VPS13B: variants seen among roughly 807,000 people sequenced by gnomAD.
The protein encoded by VPS13B is vacuolar protein sorting 13 homolog B, also known as intermembrane lipid transfer protein VPS13B.
In VPS13B, 285 loss-of-function variants were observed where a neutral mutation model predicts 426.4. The ratio of observed to expected loss-of-function variants is 0.67; its 90% confidence interval spans 0.61 to 0.74. The LOEUF (loss-of-function observed/expected upper bound fraction) is 0.74. VPS13B is among the 30% of genes least tolerant of loss of function. The pLI is 0.00. For synonymous variants in VPS13B, 1,676 were observed against 1,676.4 expected (o/e 1.00, Z 0.01); for missense variants, 4,537 against 4,782.6 (o/e 0.95, Z 1.51).
chr8:99,680,056 T>C (rs1032310007), intron 35 of VPS13B, among the ~76,000 whole-genome samples: 1 of 152,190 alleles, frequency 6.6e-6, no homozygotes, highest in African/African-American at 2.4e-5. Flanking sequence ...TTGTAAGTCT[T>C]GCTTGTCTAA....
At chr8:99,220,980 T>G (rs1349886088) in intron 17 of VPS13B, among the ~76,000 whole-genome samples, 1 of 88,144 alleles carries the variant, frequency 1.1e-5, no homozygotes, top group Non-Finnish European at 2.2e-5. Flanking sequence ...GATATTCCCC[T>G]TCCTGTGTCC....
chr8:99,860,076 T>G (rs932996946), intron 57 of VPS13B, among the ~76,000 whole-genome samples: 4 of 152,176 alleles, frequency 2.6e-5, no homozygotes, highest in African/African-American at 7.2e-5. Context: ...TGGCAGAGAC[T>G]TGGGAACTAA....
chr8:99,274,631 CTTAAAA>C (rs982150417), intron 18 of VPS13B, among the ~76,000 whole-genome samples: 2 of 151,932 alleles, frequency 1.3e-5, no homozygotes, highest in African/African-American at 2.4e-5. Flanking sequence ...TAATATGACA[CTTAAAA>C]TTAAATTAAA....
chr8:99,185,375 T>G (rs1813166270), intron 16 of VPS13B, among the ~76,000 whole-genome samples: 1 of 152,212 alleles, frequency 6.6e-6, no homozygotes, highest in Non-Finnish European at 1.5e-5. Flanking sequence ...AAACTTTTTT[T>G]CTTTTCATTG....
chr8:99,367,204 C>T (rs1812938673), intron 19 of VPS13B, among the ~76,000 whole-genome samples: 1 of 152,160 alleles, frequency 6.6e-6, no homozygotes, highest in Non-Finnish European at 1.5e-5. Flanking sequence ...TGAAATCTCT[C>T]AGATTTTGTT....
intron 13 of VPS13B, among the ~76,000 whole-genome samples, chr8:99,145,295 A>G (rs1005899899): frequency 6.6e-6 from 1 of 152,164 alleles, no homozygotes; most frequent in Non-Finnish European, 1.5e-5. Flanking sequence ...AGATTTTCCT[A>G]GTTTTACTTG....
chr8:99,228,202 A>T (rs1816121037), intron 17 of VPS13B, among the ~76,000 whole-genome samples: 1 of 152,214 alleles, frequency 6.6e-6, no homozygotes, highest in Admixed American at 6.5e-5. Flanking sequence ...AAAATTTTGT[A>T]ATTTGTGAAA....
Position 99,871,534 on chromosome 8 carries a change from G to C in VPS13B, c.11582G>C (p.Gly3861Ala), listed in dbSNP as rs1817415285. Reference protein sequence around the residue: ...LVRGSGQEHEGCLLLTSEVLF... With the variant: ...LVRGSGQEHEACLLLTSEVLF... ...AGGGGCTCAGGCCAGGAGCATGAAG[G>C]GTGCTTGCTGCTGACATCAGAAGTG... The change falls in exon 61 of 62, where the codon GGG (glycine) becomes GCG (alanine). Residue 3861 changes from glycine to alanine, a missense_variant. Gly to Ala is a moderately conservative substitution (Grantham distance 60). Around this residue, in one of 2 missense-constraint regions of VPS13B, gnomAD observed 4,311 missense variants for 4,474.3 expected, o/e 0.96. Coordinates refer to ENST00000357162, the MANE Select transcript of VPS13B (RefSeq NM_152564.5). 1 of 1,614,106 alleles carries C rather than the reference G, an allele frequency of 6.2e-7. No individual in the cohort carries two copies. The highest frequency in any genetic ancestry group is 2.2e-5 in the East Asian group (1 of 44,902).
At chr8:99,162,724 G>C (rs949964449) in intron 15 of VPS13B, among the ~76,000 whole-genome samples, 1 of 152,208 alleles carries the variant, frequency 6.6e-6, no homozygotes, top group Non-Finnish European at 1.5e-5. Context: ...GAGTGTTACA[G>C]CTCATAAAAG....
intron 21 of VPS13B, among the ~76,000 whole-genome samples, chr8:99,406,835 A>G (rs1815359327): frequency 6.6e-6 from 1 of 152,194 alleles, no homozygotes; most frequent in African/African-American, 2.4e-5. Flanking sequence ...AATCATTACT[A>G]TAGATTTTAG....
intron 3 of VPS13B, among the ~76,000 whole-genome samples, chr8:99,059,962 C>T (rs1237843279): frequency 6.6e-6 from 1 of 151,780 alleles, no homozygotes; most frequent in East Asian, 2.0e-4. Context: ...TCTTGAACTC[C>T]TGACCTCAGG....
At chr8:99,292,278 C>A (rs1819778789) in intron 19 of VPS13B, among the ~76,000 whole-genome samples, 1 of 152,130 alleles carries the variant, frequency 6.6e-6, no homozygotes, top group Admixed American at 6.6e-5. Flanking sequence ...TAGAGTGAAA[C>A]ATCTTTATCA....
At chr8:99,094,789 A>G (rs1374415679) in intron 3 of VPS13B, among the ~76,000 whole-genome samples, 5 of 152,124 alleles carry the variant, frequency 3.3e-5, no homozygotes, top group Admixed American at 1.3e-4. Context: ...TTCCCTTCAA[A>G]TATATAAAGT....
intron 51 of VPS13B, among the ~76,000 whole-genome samples, chr8:99,829,972 C>A (rs1814951358): frequency 2.0e-5 from 3 of 152,230 alleles, no homozygotes; most frequent in Admixed American, 6.5e-5. Context: ...CCTCTGGAAG[C>A]TTTATCCCAG....
At chr8:99,755,680 G>A (rs1194799261) in intron 39 of VPS13B, among the ~76,000 whole-genome samples, 3 of 152,090 alleles carry the variant, frequency 2.0e-5, no homozygotes, top group Non-Finnish European at 4.4e-5. Context: ...TGAGGCAGGA[G>A]AATTGCTTGA....
intron 3 of VPS13B, among the ~76,000 whole-genome samples, chr8:99,053,652 A>G (rs1843679949): frequency 6.8e-6 from 1 of 147,492 alleles, no homozygotes; most frequent in Non-Finnish European, 1.5e-5. Context: ...GTTGTGGCAT[A>G]TGACAAGGTT....
intron 29 of VPS13B, among the ~76,000 whole-genome samples, chr8:99,519,575 G>A (rs1451716692): frequency 2.0e-5 from 3 of 152,136 alleles, no homozygotes; most frequent in Non-Finnish European, 4.4e-5. Context: ...TTGATAGACT[G>A]GATTAAGAAA....
intron 19 of VPS13B, among the ~76,000 whole-genome samples, chr8:99,296,291 A>G (rs754852219): frequency 9.2e-5 from 14 of 152,144 alleles, no homozygotes; most frequent in Non-Finnish European, 1.5e-5. Context: ...AAGAGCATTT[A>G]TTGTTCTAGA....
intron 39 of VPS13B, among the ~76,000 whole-genome samples, chr8:99,742,861 C>T (rs1231598008): frequency 6.6e-6 from 1 of 152,090 alleles, no homozygotes; most frequent in Non-Finnish European, 1.5e-5. Flanking sequence ...AAACCCACAG[C>T]CAATATCATA....
Sources: gnomAD v4.1 joint callset for allele counts (sites outside exome capture counted in the v4.1 genomes callset) on GRCh38, gnomAD v4.1.1 for gene constraint, gnomAD v4.1.1 regional missense constraint, MANE v1.5 for transcripts, NCBI Gene and HGNC (gene_info 2026-07-23, HGNC 2026-07-21) for gene names.